The following CNGA1 variants were observed in gnomAD, a reference collection of about 807,000 sequenced individuals.
CNGA1 encodes the protein cyclic nucleotide-gated channel alpha-1.
A neutral mutation model predicts 69.7 loss-of-function variants in CNGA1; 53 were observed. The ratio of observed to expected loss-of-function variants is 0.76; its 90% confidence interval spans 0.61 to 0.96. CNGA1 has a LOEUF of 0.96. Ranked by LOEUF, CNGA1 falls within the 40% of genes least tolerant of loss-of-function variation. The pLI is 0.00. For missense variants in CNGA1, 739 were observed against 811.2 expected, an observed-to-expected ratio of 0.91 and a Z score of 1.08; for synonymous variants, 249 against 283.5, an observed-to-expected ratio of 0.88 and a Z score of 1.22.
chr4:47,957,798 T>A (rs535664968), intron 3 of CNGA1, among the ~76,000 whole-genome samples: 14 of 152,252 alleles, frequency 9.2e-5, no homozygotes, highest in African/African-American at 3.1e-4. Context: ...ATACAAACAG[T>A]ATTAAGGTTT....
chr4:47,963,913 T>C (rs1740592303), intron 3 of CNGA1, among the ~76,000 whole-genome samples: 1 of 152,170 alleles, frequency 6.6e-6, no homozygotes, highest in African/African-American at 2.4e-5. Flanking sequence ...AATATTCAAG[T>C]GAAGACAACA....
intron 3 of CNGA1, among the ~76,000 whole-genome samples, chr4:47,964,373 G>A (rs1716158540): frequency 6.6e-6 from 1 of 152,028 alleles, no homozygotes; most frequent in Non-Finnish European, 1.5e-5. Context: ...AAAGAAAAAT[G>A]AGTCCTTCTC....
At chr4:47,959,952 T>C (rs1740329042) in intron 3 of CNGA1, among the ~76,000 whole-genome samples, 1 of 152,086 alleles carries the variant, frequency 6.6e-6, no homozygotes, top group South Asian at 2.1e-4. Context: ...AATTATAAAC[T>C]TTTGCTTATC....
At chr4:47,993,527 G>A (rs546175155) in intron 2 of CNGA1, among the ~76,000 whole-genome samples, 377 of 152,154 alleles carry the variant, frequency 2.5e-3, no homozygotes, top group Non-Finnish European at 4.3e-3. Context: ...GATGTCAGTT[G>A]TAATATCTCT....
In CNGA1 at chr4:47,936,584, A is replaced by C. The variant is rs756433866; in HGVS notation, c.1898T>G (p.Leu633Arg). Residue 633 changes from leucine to arginine, a missense_variant, in exon 11 of 11, where the codon CTG becomes CGG. Transcript: ENST00000514170. The part of the protein sequence containing the change: ...VTRMEGSVDL[L>R]QTRFARILAE... ...CAAGATTCGGGCAAACCTGGTTTGCAGGAGGTCTACTGACCCCTCCATTCG... is the reference window on the plus strand; with the variant it reads ...CAAGATTCGGGCAAACCTGGTTTGCCGGAGGTCTACTGACCCCTCCATTCG... The C allele has an allele frequency of 2.8e-5, 45 of 1,614,098 alleles. No individual in the cohort carries two copies. Among genetic ancestry groups the C allele is most frequent in the Non-Finnish European group, 3.6e-5 (43 of 1,180,036 alleles).
At chr4:47,950,619 A>C (rs920137963) in intron 5 of CNGA1, among the ~76,000 whole-genome samples, 3 of 152,198 alleles carry the variant, frequency 2.0e-5, no homozygotes, top group African/African-American at 7.2e-5. Context: ...AAATAAAAAC[A>C]ATGGGAAGGC....
At chr4:47,985,089 G>A (rs1305520983) in intron 2 of CNGA1, among the ~76,000 whole-genome samples, 1 of 152,072 alleles carries the variant, frequency 6.6e-6, no homozygotes, top group Non-Finnish European at 1.5e-5. Flanking sequence ...GGTCTCAGTT[G>A]CAGTTTTCAT....
At chr4:47,991,044 A>C (rs536812311) in intron 2 of CNGA1, among the ~76,000 whole-genome samples, 10 of 152,186 alleles carry the variant, frequency 6.6e-5, no homozygotes, top group Non-Finnish European at 1.0e-4. Flanking sequence ...TGATCTCTTT[A>C]TCCACTCATT....
intron 3 of CNGA1, among the ~76,000 whole-genome samples, chr4:47,970,680 C>A (rs1346199299): frequency 1.3e-5 from 2 of 149,660 alleles, no homozygotes; most frequent in African/African-American, 4.9e-5. Flanking sequence ...AACAAGATTT[C>A]ACCGTTGTCT....
At position 47,937,745 on chromosome 4, in the gene CNGA1, A is replaced by G. The variant is rs1738767580; in HGVS notation, c.737T>C (p.Val246Ala). 6.2e-7 allele frequency: 1 copy of G among 1,613,866 alleles called. No individual in the cohort carries two copies. The highest frequency in any genetic ancestry group is 1.3e-5 in the African/African-American group (1 of 75,042). Residue 246 changes from valine to alanine, a missense_variant, in exon 11 of 11, where the codon GTT becomes GCT. By Grantham distance (64) the Val-to-Ala change is moderately conservative (BLOSUM62 0). Transcript: ENST00000514170. ...CAAATCAGTTGGTATCAGTGACAGAACATCAAGTTTAAATTGCAAGTTGGA... is the reference window on the plus strand; with the variant it reads ...CAAATCAGTTGGTATCAGTGACAGAGCATCAAGTTTAAATTGCAAGTTGGA... ...YKSNLQFKLDVLSLIPTDLLY... is the reference protein window; with the variant it reads ...YKSNLQFKLDALSLIPTDLLY...
Position 47,964,199 on chromosome 4 carries a change from C to T in CNGA1, c.-14-11496G>A, listed in dbSNP as rs73244452. On this transcript the variant is annotated intron_variant, in intron 3 of 10. Coordinates refer to ENST00000514170, the MANE Select transcript of CNGA1 (RefSeq NM_001379270.1). ...AACTCCCTGTTGTCATCAATGAACA[C>T]TCTCTTTGGAGACCTCATGCCTTAT... is the stretch of plus-strand genomic sequence containing the variant. Among the ~76,000 whole-genome samples the T allele has an allele frequency of 6.4e-3, 970 of 152,288 alleles. 10 individuals carry two copies. Among genetic ancestry groups the T allele is most frequent in the Non-Finnish European group, 0.01 (688 of 68,018 alleles).
Position 47,937,172 on chromosome 4 carries a change from A to G in CNGA1, c.1310T>C (p.Leu437Pro). The G allele has an allele frequency of 6.2e-7, 1 of 1,614,242 alleles. No individual in the cohort carries two copies. Among genetic ancestry groups the G allele is most frequent in the Non-Finnish European group, 8.5e-7 (1 of 1,180,048 alleles). The change falls in exon 11 of 11, where the codon CTG becomes CCG. Residue 437 changes from leucine to proline, a missense_variant. Coordinates refer to ENST00000514170, the MANE Select transcript of CNGA1 (RefSeq NM_001379270.1). The part of the protein sequence containing the change: ...EKRVIKWFDY[L>P]WTNKKTVDEK... The stretch of plus-strand genomic sequence containing the variant: ...ATCAACTGTTTTTTTGTTGGTCCAC[A>G]GGTAGTCAAACCATTTAATAACCCT...
At chr4:47,962,667 G>C (rs1431866409) in intron 3 of CNGA1, among the ~76,000 whole-genome samples, 1 of 152,142 alleles carries the variant, frequency 6.6e-6, no homozygotes, top group Non-Finnish European at 1.5e-5. Context: ...ATGTGAACCA[G>C]AGTACATATG....
At chr4:47,953,038 C>G (rs562351980) in intron 3 of CNGA1, among the ~76,000 whole-genome samples, 5 of 152,316 alleles carry the variant, frequency 3.3e-5, no homozygotes, top group African/African-American at 4.8e-5. Flanking sequence ...AAAACTCACT[C>G]CCATGATTCC....
chr4:47,959,635 T>C (rs1740303578), intron 3 of CNGA1, among the ~76,000 whole-genome samples: 1 of 152,134 alleles, frequency 6.6e-6, no homozygotes, highest in East Asian at 1.9e-4. Flanking sequence ...TTTTAGACAG[T>C]CTCACTCTGT....
intron 2 of CNGA1, among the ~76,000 whole-genome samples, chr4:47,988,494 T>C (rs1236629083): frequency 6.6e-6 from 1 of 151,988 alleles, no homozygotes; most frequent in Non-Finnish European, 1.5e-5. Context: ...ACATTAATAA[T>C]GAGATAAACT....
At chr4:48,004,353 C>A (rs1398963530) in intron 2 of CNGA1, among the ~76,000 whole-genome samples, 3 of 152,198 alleles carry the variant, frequency 2.0e-5, no homozygotes, top group African/African-American at 7.2e-5. Flanking sequence ...AGTGGTCCCC[C>A]AGGCCCAGCT....
chr4:47,954,178 C>T (rs1000776961), intron 3 of CNGA1, among the ~76,000 whole-genome samples: 1 of 152,084 alleles, frequency 6.6e-6, no homozygotes, highest in African/African-American at 2.4e-5. Context: ...GAGTTGCGTC[C>T]AGAACGGCGG....
At position 47,936,641 on chromosome 4, in the gene CNGA1, C is replaced by T; in HGVS notation, c.1841G>A (p.Ser614Asn). The T allele has an allele frequency of 1.2e-6, 2 of 1,614,160 alleles. No homozygotes were observed. The highest frequency in any genetic ancestry group is 1.7e-6 in the Non-Finnish European group (2 of 1,180,012). Residue 614 changes from serine to asparagine, a missense_variant, in exon 11 of 11, where the codon AGT becomes AAT. Transcript: ENST00000514170. ...LLDLNIANAG[S>N]DPKDLEEKVT... ...CTTCTCTTCAAGATCTTTAGGATCA[C>T]TGCCAGCATTTGCAATGTTTAGATC...
Sources: gnomAD v4.1 joint callset for allele counts (sites outside exome capture counted in the v4.1 genomes callset) on GRCh38, gnomAD v4.1.1 for gene constraint, MANE v1.5 for transcripts, NCBI Gene and HGNC (gene_info 2026-07-23, HGNC 2026-07-21) for gene names.